CSMD1: variants seen among roughly 807,000 people sequenced by gnomAD.
CSMD1 encodes the protein CUB and Sushi multiple domains 1, also known as CUB and sushi domain-containing protein 1.
Under a neutral mutation model 417.5 loss-of-function variants are expected in CSMD1, and 213 were observed. That is an observed-to-expected ratio of 0.51 (90% CI 0.46 to 0.57). The LOEUF (loss-of-function observed/expected upper bound fraction) is 0.57, where lower values mean the gene tolerates loss of function less well. Among genes scored for constraint, CSMD1 ranks in the 20% least tolerant of loss-of-function variants. The probability of loss-of-function intolerance (pLI) is 0.00; values close to 1 mark genes in which losing one functional copy is unlikely to be tolerated. For synonymous variants in CSMD1, 2,862 were observed against 1,736.8 expected (o/e 1.65, Z -16.11); for missense variants, 6,923 against 4,529.7 (o/e 1.53, Z -15.17).
At chr8:3,041,797 TC>T (rs1246201552) in intron 50 of CSMD1, among the ~76,000 whole-genome samples, 1 of 143,208 alleles carries the variant, frequency 7.0e-6, no homozygotes, top group Non-Finnish European at 1.6e-5. Context: ...TGTCACAGCT[TC>T]TTTCTGGCAG....
chr8:4,208,368 T>C (rs1049321294), intron 3 of CSMD1, among the ~76,000 whole-genome samples: 1 of 152,164 alleles, frequency 6.6e-6, no homozygotes, highest in African/African-American at 2.4e-5. Context: ...GAGGGAAGCA[T>C]TTCCCCAAGG....
chr8:3,692,736 A>G (rs1385819272), intron 7 of CSMD1, among the ~76,000 whole-genome samples: 2 of 152,176 alleles, frequency 1.3e-5, no homozygotes, highest in South Asian at 2.1e-4. Context: ...CCTGGCCACA[A>G]CAATTTCTGA....
At chr8:4,771,280 A>G (rs1452177488) in intron 1 of CSMD1, among the ~76,000 whole-genome samples, 1 of 152,220 alleles carries the variant, frequency 6.6e-6, no homozygotes, top group Non-Finnish European at 1.5e-5. Flanking sequence ...TTCTAATACC[A>G]ATGTTCTCTA....
At chr8:3,316,057 A>G (rs937433136) in intron 23 of CSMD1, among the ~76,000 whole-genome samples, 1 of 152,112 alleles carries the variant, frequency 6.6e-6, no homozygotes, top group Non-Finnish European at 1.5e-5. Flanking sequence ...TTCTCTGTTG[A>G]GGATATTTAA....
chr8:3,785,041 G>C (rs996609326), intron 5 of CSMD1, among the ~76,000 whole-genome samples: 2 of 152,168 alleles, frequency 1.3e-5, no homozygotes, highest in Admixed American at 6.5e-5. Context: ...AATAGAGATA[G>C]AAAAACTGCC....
intron 2 of CSMD1, among the ~76,000 whole-genome samples, chr8:4,446,645 C>A (rs867667665): frequency 6.6e-6 from 1 of 152,144 alleles, no homozygotes; most frequent in Non-Finnish European, 1.5e-5. Context: ...ACTCTGCCTC[C>A]TAGATTTGAG....
At chr8:4,967,577 T>A (rs922464016) in intron 1 of CSMD1, among the ~76,000 whole-genome samples, 1 of 152,196 alleles carries the variant, frequency 6.6e-6, no homozygotes, top group African/African-American at 2.4e-5. Flanking sequence ...TCTTATTAAC[T>A]ATTTTTAATT....
intron 5 of CSMD1, among the ~76,000 whole-genome samples, chr8:3,942,386 C>T (rs927768792): frequency 1.3e-5 from 2 of 152,038 alleles, no homozygotes; most frequent in African/African-American, 4.8e-5. Flanking sequence ...ACCCAAGCAC[C>T]TTTTCTCAAA....
intron 26 of CSMD1, among the ~76,000 whole-genome samples, chr8:3,260,092 G>T (rs1326198832): frequency 6.6e-6 from 1 of 152,090 alleles, no homozygotes; most frequent in Non-Finnish European, 1.5e-5. Flanking sequence ...CATTTATATG[G>T]CATTTTTCTT....
At chr8:3,849,804 T>C (rs1803767066) in intron 5 of CSMD1, among the ~76,000 whole-genome samples, 1 of 142,792 alleles carries the variant, frequency 7.0e-6, no homozygotes, top group Non-Finnish European at 1.5e-5. Context: ...TGAGACAGAG[T>C]ATATCTTTTT....
At chr8:3,700,985 G>T (rs1800829699) in intron 7 of CSMD1, among the ~76,000 whole-genome samples, 1 of 151,292 alleles carries the variant, frequency 6.6e-6, no homozygotes, top group African/African-American at 2.5e-5. Flanking sequence ...TACAGGTGAG[G>T]GGCGACGGTG....
At chr8:3,561,368 T>C (rs1317818088) in intron 10 of CSMD1, among the ~76,000 whole-genome samples, 1 of 152,150 alleles carries the variant, frequency 6.6e-6, no homozygotes, top group Admixed American at 6.6e-5. Context: ...AATAGCAAAG[T>C]CATAGAATCA....
chr8:3,338,126 G>C (rs186336577), intron 23 of CSMD1, among the ~76,000 whole-genome samples: 1 of 152,206 alleles, frequency 6.6e-6, no homozygotes, highest in Non-Finnish European at 1.5e-5. Context: ...CCCTTGAGGA[G>C]TCTGTCATCC....
chr8:3,128,936 G>A (rs753933923), intron 41 of CSMD1: 1 of 433,398 alleles, frequency 2.3e-6, no homozygotes. Context: ...AGATCTAAGG[G>A]TATCTCACAA....
intron 3 of CSMD1, among the ~76,000 whole-genome samples, chr8:4,228,936 G>A (rs1449679895): frequency 1.3e-5 from 2 of 151,990 alleles, no homozygotes; most frequent in Admixed American, 1.3e-4. Context: ...AAAAGTGCTG[G>A]GATTACAGGA....
intron 3 of CSMD1, among the ~76,000 whole-genome samples, chr8:4,259,270 C>A (rs547698602): frequency 1.3e-5 from 2 of 152,174 alleles, no homozygotes; most frequent in Non-Finnish European, 2.9e-5. Flanking sequence ...AGCAACCCCC[C>A]TCCCTGGCTG....
intron 5 of CSMD1, among the ~76,000 whole-genome samples, chr8:3,787,525 A>C (rs1027937764): frequency 6.6e-6 from 1 of 152,226 alleles, no homozygotes; most frequent in African/African-American, 2.4e-5. Context: ...ACAGCAATTA[A>C]GAAAATATTC....
chr8:4,347,656 C>A (rs1380081712), intron 3 of CSMD1, among the ~76,000 whole-genome samples: 1 of 152,148 alleles, frequency 6.6e-6, no homozygotes, highest in Non-Finnish European at 1.5e-5. Flanking sequence ...AGTGTAATTT[C>A]ACATCAGTAT....
intron 8 of CSMD1, among the ~76,000 whole-genome samples, chr8:3,594,481 C>G (rs1801001177): frequency 6.6e-6 from 1 of 151,940 alleles, no homozygotes; most frequent in Non-Finnish European, 1.5e-5. Context: ...CTGTTGGTAA[C>G]AAAGCTGAGG....
Sources: allele counts gnomAD v4.1 joint callset (sites outside exome capture counted in the v4.1 genomes callset), GRCh38; gene constraint gnomAD v4.1.1; transcripts MANE v1.5; gene names NCBI Gene and HGNC (gene_info 2026-07-23, HGNC 2026-07-21).